Variants in MSR1 observed in about 807,000 individuals in gnomAD.
MSR1 encodes macrophage scavenger receptor types I and II.
In MSR1, 53 loss-of-function variants were observed where a neutral mutation model predicts 47.2. The observed-to-expected ratio is 1.12, with a 90% CI of 0.90 to 1.41. The LOEUF is 1.41. MSR1 is among the 40% of genes most tolerant of loss of function. MSR1 has a pLI of 0.00. For missense variants in MSR1, 786 were observed against 546.9 expected (o/e 1.44, Z -4.36); for synonymous variants, 239 against 185.6 (o/e 1.29, Z -2.34).
intron 1 of MSR1, among the ~76,000 whole-genome samples, chr8:16,178,395 G>T (rs1801723846): frequency 6.6e-6 from 1 of 151,872 alleles, no homozygotes; most frequent in Admixed American, 6.6e-5. Context: ...GAGAATGATG[G>T]TTTCCAGCTT....
At chr8:16,157,722 C>A in intron 5 of MSR1, among the ~76,000 whole-genome samples, 1 of 151,858 alleles carries the variant, frequency 6.6e-6, no homozygotes, top group East Asian at 1.9e-4. Flanking sequence ...CTATCCACTA[C>A]CTTGCCACCT....
chr8:16,183,413 A>C (rs75017967), intron 1 of MSR1, among the ~76,000 whole-genome samples: 12,548 of 151,308 alleles, frequency 0.083, 965 homozygotes, highest in East Asian at 0.42. Flanking sequence ...GGAACATTGA[A>C]TATATTAAAT....
chr8:16,171,430 TAG>T (rs1801484401), intron 3 of MSR1, among the ~76,000 whole-genome samples: 1 of 152,128 alleles, frequency 6.6e-6, no homozygotes, highest in Admixed American at 6.5e-5. Context: ...TGATCTACAA[TAG>T]AGTTTGTATT....
chr8:16,127,232 T>C (rs1279147063), intron 8 of MSR1, among the ~76,000 whole-genome samples: 1 of 152,174 alleles, frequency 6.6e-6, no homozygotes, highest in Non-Finnish European at 1.5e-5. Flanking sequence ...CTTTATATGA[T>C]AAAAGCCTCA....
intron 8 of MSR1, among the ~76,000 whole-genome samples, chr8:16,122,814 G>A (rs886744072): frequency 2.0e-5 from 3 of 150,970 alleles, no homozygotes; most frequent in Admixed American, 2.0e-4. Flanking sequence ...AAGGGATCCT[G>A]AGGGGGAGTA....
chr8:16,141,632 T>G (rs759991642), intron 8 of MSR1, among the ~76,000 whole-genome samples: 2 of 152,132 alleles, frequency 1.3e-5, no homozygotes, highest in Non-Finnish European at 2.9e-5. Flanking sequence ...GAGGGCATGG[T>G]GGAGAATGCA....
intron 5 of MSR1, among the ~76,000 whole-genome samples, chr8:16,161,678 C>T (rs941016156): frequency 6.6e-6 from 1 of 151,730 alleles, no homozygotes; most frequent in Non-Finnish European, 1.5e-5. Flanking sequence ...AATTTTAAAA[C>T]AATGATTATA....
At chr8:16,144,242 G>T (rs1416270502) in intron 7 of MSR1, among the ~76,000 whole-genome samples, 1 of 151,152 alleles carries the variant, frequency 6.6e-6, no homozygotes, top group Non-Finnish European at 1.5e-5. Flanking sequence ...CTTTTTTTTT[G>T]CCAACGGATT....
In MSR1 at chr8:16,181,550, C is replaced by T. The variant is rs187982045; in HGVS notation, c.-4-3558G>A. On this transcript the variant is annotated intron_variant, in intron 1 of 9. Transcript: ENST00000262101. ...AATTCTCCGCAAACTAACACAGGAA[C>T]GGAAAACAAAACATCACATGATCTC... Among the ~76,000 whole-genome samples the T allele has an allele frequency of 2.1e-3, 320 of 151,978 alleles. 2 individuals carry two copies. The highest frequency in any genetic ancestry group is 6.4e-3 in the East Asian group (33 of 5,140).
At chr8:16,125,471 T>C (rs1800107869) in intron 8 of MSR1, among the ~76,000 whole-genome samples, 1 of 152,196 alleles carries the variant, frequency 6.6e-6, no homozygotes, top group Non-Finnish European at 1.5e-5. Context: ...GACATATCTC[T>C]GCTGATTCAT....
intron 1 of MSR1, among the ~76,000 whole-genome samples, chr8:16,187,161 G>A (rs1011157604): frequency 2.0e-5 from 3 of 151,430 alleles, no homozygotes; most frequent in African/African-American, 4.9e-5. Flanking sequence ...TCAGGAGTTC[G>A]AGACCATCCT....
At chr8:16,185,336 T>C (rs1272526359) in intron 1 of MSR1, among the ~76,000 whole-genome samples, 5 of 152,192 alleles carry the variant, frequency 3.3e-5, no homozygotes, top group Admixed American at 2.0e-4. Flanking sequence ...GATCTCAATC[T>C]CAGCATCAGC....
rs1255390453 is a variant in MSR1, at chr8:16,109,075, GC to G, written c.*1009del. ...GTAGCTTTTCACACTCTACACTATG[GC>G]CCTGGGGATGGGTTGACTACCAACA... is the stretch of plus-strand genomic sequence containing the variant. On this transcript the variant is annotated 3_prime_UTR_variant, in exon 10 of 10. Coordinates refer to ENST00000262101, the MANE Select transcript of MSR1 (RefSeq NM_138715.3). The G allele has an allele frequency of 1.2e-4, 19 of 152,038 alleles. No homozygotes were observed. Among genetic ancestry groups the G allele is most frequent in the African/African-American group, 3.6e-4 (15 of 41,436 alleles). The allele number at this position is 152,038 out of a possible 1,614,324, so 9.4% of individuals were successfully genotyped here.
At chr8:16,116,569 T>C (rs1249061753) in intron 9 of MSR1, among the ~76,000 whole-genome samples, 2 of 152,100 alleles carry the variant, frequency 1.3e-5, no homozygotes, top group African/African-American at 4.8e-5. Context: ...GACTAAACTC[T>C]GTCATTCTAT....
At chr8:16,139,532 A>C (rs1172907944) in intron 8 of MSR1, 2 of 984,490 alleles carry the variant, frequency 2.0e-6, no homozygotes, top group Non-Finnish European at 2.4e-6. Flanking sequence ...CGTAAAGGAA[A>C]GAAGAGTTGT....
rs770609068 is a variant in MSR1 at position 16,121,154 on chromosome 8, C to A, written c.1034-548G>T. The A allele has an allele frequency of 3.7e-5, 16 of 436,680 alleles. No individual in the cohort carries two copies. The Middle Eastern group carries it at 1.0e-3, about 27-fold the overall frequency. The allele number at this position is 436,680 out of a possible 1,614,324, so 27.1% of individuals were successfully genotyped here. ...AACCTTCATTTAGAAATAGCAAAGA[C>A]TTTCCTTGTTGTGAGGTTCCTGGAT... On this transcript the variant is annotated intron_variant, in intron 8 of 9. Coordinates refer to ENST00000262101, the MANE Select transcript of MSR1 (RefSeq NM_138715.3).
chr8:16,188,226 G>T (rs1187778967), intron 1 of MSR1, among the ~76,000 whole-genome samples: 4 of 151,960 alleles, frequency 2.6e-5, no homozygotes, highest in African/African-American at 4.8e-5. Flanking sequence ...GAATTTCAAG[G>T]TTAATTTGTT....
intron 1 of MSR1, among the ~76,000 whole-genome samples, chr8:16,188,349 C>G (rs538585156): frequency 2.6e-4 from 39 of 151,950 alleles, no homozygotes; most frequent in African/African-American, 8.9e-4. Context: ...GAAAAAAACC[C>G]TTAATTTTTT....
chr8:16,159,785 T>C (rs1250831484), intron 5 of MSR1, among the ~76,000 whole-genome samples: 2 of 151,922 alleles, frequency 1.3e-5, no homozygotes, highest in Non-Finnish European at 2.9e-5. Context: ...TAATGTTCCA[T>C]ATTAAGACAG....
Sources: allele counts gnomAD v4.1 joint callset (sites outside exome capture counted in the v4.1 genomes callset), GRCh38; gene constraint gnomAD v4.1.1; transcripts MANE v1.5; gene names NCBI Gene and HGNC (gene_info 2026-07-23, HGNC 2026-07-21).